PML: variants seen among roughly 807,000 people sequenced by gnomAD.
PML encodes protein PML.
In PML, 28 loss-of-function variants were observed where a neutral mutation model predicts 65.2. The ratio of observed to expected loss-of-function variants is 0.43; its 90% CI spans 0.32 to 0.59. PML has a LOEUF of 0.59. Ranked by LOEUF, PML falls within the 20% of genes least tolerant of loss-of-function variation. PML has a pLI of 0.08. For missense variants in PML, 1,021 were observed against 1,203.4 expected (o/e 0.85, Z 2.24); for synonymous variants, 500 against 508.8 (o/e 0.98, Z 0.23).
chr15:74,031,471 C>G (rs990343530), intron 4 of PML, among the ~76,000 whole-genome samples: 1 of 152,158 alleles, frequency 6.6e-6, no homozygotes, highest in African/African-American at 2.4e-5. Flanking sequence ...ACATTCAAGG[C>G]TCATCCATGT....
intron 2 of PML, among the ~76,000 whole-genome samples, chr15:74,002,197 T>A (rs2069793909): frequency 3.3e-5 from 5 of 152,090 alleles, no homozygotes; most frequent in African/African-American, 9.7e-5. Flanking sequence ...CATCTAAGAC[T>A]ATATTGAGAT....
chr15:74,038,961 G>T (rs774847206), intron 7 of PML, among the ~76,000 whole-genome samples: 2 of 152,220 alleles, frequency 1.3e-5, no homozygotes, highest in Non-Finnish European at 2.9e-5. Context: ...TGAGGACTTT[G>T]CTTAAAAACT....
chr15:74,021,580 C>T (rs1235527175), intron 2 of PML, among the ~76,000 whole-genome samples: 2 of 150,244 alleles, frequency 1.3e-5, no homozygotes, highest in Non-Finnish European at 3.0e-5. Context: ...AGCGAAACTC[C>T]ATCTCAAAAA....
At chr15:74,031,499 A>G (rs2071323246) in intron 4 of PML, among the ~76,000 whole-genome samples, 1 of 152,156 alleles carries the variant, frequency 6.6e-6, no homozygotes, top group Non-Finnish European at 1.5e-5. Context: ...CTCAGTCCTC[A>G]TTGCTTTTTA....
chr15:74,007,369 G>C (rs968839280), intron 2 of PML, among the ~76,000 whole-genome samples: 1 of 152,212 alleles, frequency 6.6e-6, no homozygotes, highest in African/African-American at 2.4e-5. Flanking sequence ...GGGCAGGGAA[G>C]GTTCAGCCAG....
In PML at chr15:74,023,024, C is replaced by T; in HGVS notation, c.799C>T (p.Gln267Ter). The change falls in exon 3 of 9, where the codon CAG becomes TAG. Residue 267 changes from glutamine (Q) to a stop codon, truncating the protein, a stop_gained. Coordinates refer to ENST00000268058, the MANE Select transcript of PML (RefSeq NM_033238.3). LOFTEE classifies it high-confidence loss of function. ...CGCGCAGATGCACGCGGCCGTCGGC[C>T]AGCTGGGCCGCGCGCGTGCCGAGAC... ...VHAQMHAAVG[Q>*]LGRARAETEE... 1 of 1,606,704 alleles carries T rather than the reference C, an allele frequency of 6.2e-7. No homozygotes were observed. Among genetic ancestry groups the T allele is most frequent in the Non-Finnish European group, 8.5e-7 (1 of 1,178,522 alleles).
At chr15:74,041,003 G>A (rs146016009) in intron 7 of PML, among the ~76,000 whole-genome samples, 2 of 152,310 alleles carry the variant, frequency 1.3e-5, no homozygotes, top group African/African-American at 4.8e-5. Flanking sequence ...GGCTCTCCAG[G>A]GAGCTCTCCT....
chr15:74,031,277 A>G (rs1468779347), intron 4 of PML: 4 of 443,874 alleles, frequency 9.0e-6, no homozygotes, highest in South Asian at 6.5e-5. Context: ...AAAATTTATT[A>G]TTATTATTAG....
chr15:74,009,461 A>G (rs773195416), intron 2 of PML, among the ~76,000 whole-genome samples: 25 of 152,196 alleles, frequency 1.6e-4, no homozygotes, highest in Admixed American at 1.3e-4. Context: ...GTTGGGCAAC[A>G]TGATGAAAGA....
At position 74,043,041 on chromosome 15, in the gene PML, A is replaced by G; in HGVS notation, c.1763A>G (p.Glu588Gly). ...AGTGAGTCCAGTGACCTCCAGCTGG[A>G]AGGCCCCAGCACCCTCAGGGTCCTG... The part of the protein sequence containing the change: ...SSSESSDLQL[E>G]GPSTLRVLDE... The change falls in exon 8 of 9, where the codon GAA (glutamate) becomes GGA (glycine). Residue 588 changes from glutamate to glycine, a missense_variant. Coordinates refer to ENST00000268058, the MANE Select transcript of PML (RefSeq NM_033238.3). This position sits in a 1 kb window ranked among gnomAD's most constrained non-coding sequence, Gnocchi z 4.3. The G allele has an allele frequency of 6.2e-7, 1 of 1,613,390 alleles. No individual in the cohort carries two copies. Among genetic ancestry groups the G allele is most frequent in the Non-Finnish European group, 8.5e-7 (1 of 1,179,848 alleles).
rs149885467 is a variant in PML, at chr15:74,044,371, G to A, written c.2012G>A (p.Arg671His). 4.5e-5 allele frequency: 73 copies of A among 1,614,190 alleles called. No individual in the cohort carries two copies. The African/African-American group carries it at 6.0e-4, about 13-fold the overall frequency. Residue 671 changes from arginine (R) to histidine (H), a missense_variant, in exon 9 of 9, where the codon CGC (arginine) becomes CAC (histidine). Physicochemically the swap from Arg to His is conservative, Grantham distance 29. Coordinates refer to ENST00000268058, the MANE Select transcript of PML (RefSeq NM_033238.3). ...HFLSFLSSMR[R>H]PILACYKLWG... ...CTCAGCTTTCTGAGCTCCATGCGCC[G>A]CCCTATCTTGGCCTGCTACAAGCTG...
At position 74,037,528 on chromosome 15, in the gene PML, G is replaced by A. The variant is rs144134022; in HGVS notation, c.1710+2998G>A. The A allele has an allele frequency of 2.9e-5, 29 of 985,256 alleles. No homozygotes were observed. Among genetic ancestry groups the A allele is most frequent in the East Asian group, 2.3e-4 (2 of 8,792 alleles). 61.0% of individuals were successfully genotyped at this position (985,256 alleles called of 1,614,324 possible). On this transcript the variant is annotated intron_variant, in intron 7 of 8. Transcript: ENST00000268058. The surrounding 1 kb of genome is among the most constrained non-coding windows in gnomAD (Gnocchi z 4.2). ...CCACCCACTTCTCTCTCCAGCTGTC[G>A]GCTCCCCTTCCTCTGCTCTCCTTGT... is the stretch of plus-strand genomic sequence containing the variant.
At chr15:74,011,957 A>G (rs1275139705) in intron 2 of PML, among the ~76,000 whole-genome samples, 2 of 152,204 alleles carry the variant, frequency 1.3e-5, no homozygotes, top group African/African-American at 4.8e-5. Context: ...GAGTTGCAAA[A>G]AGAATTCTAA....
chr15:74,010,722 A>C (rs991085937), intron 2 of PML, among the ~76,000 whole-genome samples: 4 of 152,006 alleles, frequency 2.6e-5, no homozygotes, highest in African/African-American at 9.7e-5. Context: ...ATTTGTGGAG[A>C]GTTTCAGCCT....
chr15:74,043,188 G>T lies in PML; in HGVS notation c.1861+49G>T. 2 of 1,613,980 alleles carry T rather than the reference G, an allele frequency of 1.2e-6. No individual in the cohort carries two copies. The highest frequency in any genetic ancestry group is 1.7e-6 in the Non-Finnish European group (2 of 1,180,014). On this transcript the variant is annotated intron_variant, in intron 8 of 8. Coordinates refer to ENST00000268058, the MANE Select transcript of PML (RefSeq NM_033238.3). This position sits in a 1 kb window ranked among gnomAD's most constrained non-coding sequence, Gnocchi z 4.3. ...CACCCCTTTCTAATTTAGTCTCTGA[G>T]TCCCAAAAAGAAGTGCAGGCAGAGC...
intron 1 of PML, among the ~76,000 whole-genome samples, chr15:73,995,215 C>T (rs1411544696): frequency 1.3e-5 from 2 of 152,350 alleles, no homozygotes; most frequent in African/African-American, 4.8e-5. Flanking sequence ...GGGTCAGTGG[C>T]CTCCGGGCCT....
At chr15:74,034,641 T>G in intron 7 of PML, 111 bp downstream of exon 7, 1 of 1,609,956 alleles carries the variant, frequency 6.2e-7, no homozygotes, top group Non-Finnish European at 8.5e-7. Context: ...TGGGGAATTT[T>G]CCAGTGAGGC....
At chr15:74,002,216 C>T (rs557408084) in intron 2 of PML, among the ~76,000 whole-genome samples, 6 of 151,978 alleles carry the variant, frequency 3.9e-5, no homozygotes, top group African/African-American at 1.4e-4. Flanking sequence ...ATTTTCTTAG[C>T]GGCCTAGGAT....
At chr15:73,999,464 T>C (rs757437194) in intron 2 of PML, among the ~76,000 whole-genome samples, 2 of 152,210 alleles carry the variant, frequency 1.3e-5, no homozygotes, top group Non-Finnish European at 2.9e-5. Flanking sequence ...AGGATAAACT[T>C]CCCACACTAT....
Sources: allele counts gnomAD v4.1 joint callset (sites outside exome capture counted in the v4.1 genomes callset), GRCh38; gene constraint gnomAD v4.1.1; non-coding constraint Gnocchi (gnomAD v3.1); transcripts MANE v1.5; gene names NCBI Gene and HGNC (gene_info 2026-07-23, HGNC 2026-07-21).